CACNA2D3: variants seen among roughly 807,000 people sequenced by gnomAD.
The protein encoded by CACNA2D3 is voltage-dependent calcium channel subunit alpha-2/delta-3.
Under a neutral mutation model 160.6 loss-of-function variants are expected in CACNA2D3, and 60 were observed. The ratio of observed to expected loss-of-function variants is 0.37; its 90% CI spans 0.30 to 0.46. The LOEUF is 0.46. Among genes scored for constraint, CACNA2D3 ranks in the 20% least tolerant of loss-of-function variants. The probability of loss-of-function intolerance (pLI) is 1.00; values close to 1 mark genes in which losing one functional copy is unlikely to be tolerated. For synonymous variants in CACNA2D3, 558 were observed against 492.9 expected (o/e 1.13, Z -1.75); for missense variants, 1,205 against 1,365.0 (o/e 0.88, Z 1.85).
At chr3:54,897,527 A>G (rs1429328646) in intron 26 of CACNA2D3, among the ~76,000 whole-genome samples, 1 of 151,864 alleles carries the variant, frequency 6.6e-6, no homozygotes, top group African/African-American at 2.4e-5. Context: ...TGCCTCATGC[A>G]TCTGGTATTT....
chr3:54,764,087 G>A, intron 12 of CACNA2D3, 131 bp from the exon 13 acceptor site: 1 of 924,726 alleles, frequency 1.1e-6, no homozygotes, highest in Middle Eastern at 2.6e-4. Context: ...AAAAATGGGG[G>A]AGAGGAGCTA....
At chr3:54,756,924 G>A (rs1701982218) in intron 12 of CACNA2D3, among the ~76,000 whole-genome samples, 1 of 152,082 alleles carries the variant, frequency 6.6e-6, no homozygotes, top group African/African-American at 2.4e-5. Context: ...GCATAAGTAG[G>A]TCCTGTCTTG....
intron 15 of CACNA2D3, among the ~76,000 whole-genome samples, chr3:54,837,801 G>C (rs1482827500): frequency 6.6e-6 from 1 of 152,046 alleles, no homozygotes; most frequent in African/African-American, 2.4e-5. Context: ...ATGTCTCTCT[G>C]TGTCCTTCCC....
chr3:54,963,155 A>G (rs1354699312), intron 27 of CACNA2D3, among the ~76,000 whole-genome samples: 4 of 152,282 alleles, frequency 2.6e-5, no homozygotes, highest in Middle Eastern at 6.8e-3. Flanking sequence ...TGATTTCTTT[A>G]GGGTTCATTC....
intron 11 of CACNA2D3, among the ~76,000 whole-genome samples, chr3:54,730,069 T>G: frequency 6.6e-6 from 1 of 152,104 alleles, no homozygotes; most frequent in South Asian, 2.1e-4. Flanking sequence ...TTATTATTCT[T>G]TTACCAAATA....
intron 29 of CACNA2D3, among the ~76,000 whole-genome samples, chr3:54,980,656 A>G (rs534018682): frequency 2.0e-5 from 3 of 152,354 alleles, no homozygotes; most frequent in East Asian, 3.9e-4. Context: ...CTAGGACACC[A>G]TAAGGTCTGA....
intron 29 of CACNA2D3, among the ~76,000 whole-genome samples, chr3:54,981,760 G>T (rs2107097028): frequency 6.6e-6 from 1 of 152,298 alleles, no homozygotes; most frequent in East Asian, 1.9e-4. Flanking sequence ...ACAGACATTA[G>T]CCCCTTTGCT....
chr3:54,878,943 C>T (rs1370329822), intron 18 of CACNA2D3, 75 bp from the exon 19 acceptor site: 10 of 889,434 alleles, frequency 1.1e-5, no homozygotes, highest in African/African-American at 3.4e-5. Flanking sequence ...CTCCACTGCA[C>T]GCTGAGGATG....
chr3:54,844,640 A>T (rs1698896061), intron 16 of CACNA2D3, among the ~76,000 whole-genome samples: 1 of 152,088 alleles, frequency 6.6e-6, no homozygotes, highest in African/African-American at 2.4e-5. Context: ...CATGAAACTT[A>T]CATTCTGGTA....
At chr3:54,192,673 T>TAG (rs1701005125) in intron 2 of CACNA2D3, among the ~76,000 whole-genome samples, 1 of 147,282 alleles carries the variant, frequency 6.8e-6, no homozygotes, top group South Asian at 2.1e-4. Context: ...ATATGTGAGG[T>TAG]GTGTGTGTGT....
intron 2 of CACNA2D3, among the ~76,000 whole-genome samples, chr3:54,254,704 G>GTTGTTGTAACTA (rs147874903): frequency 6.6e-6 from 1 of 152,026 alleles, no homozygotes; most frequent in African/African-American, 2.4e-5. Context: ...GAGTATTACT[G>GTTGTTGTAACTA]TTGTTACCAA....
intron 2 of CACNA2D3, among the ~76,000 whole-genome samples, chr3:54,141,932 G>A (rs1452249001): frequency 2.0e-5 from 3 of 152,180 alleles, no homozygotes; most frequent in Non-Finnish European, 2.9e-5. Context: ...TTGCACCCTC[G>A]TGGAGATTAC....
At chr3:54,161,075 T>A (rs1457222980) in intron 2 of CACNA2D3, among the ~76,000 whole-genome samples, 1 of 152,126 alleles carries the variant, frequency 6.6e-6, no homozygotes, top group Non-Finnish European at 1.5e-5. Context: ...CTGGCAGTTG[T>A]TTAGTAAGGG....
chr3:54,841,847 C>T (rs1307849960), intron 16 of CACNA2D3, among the ~76,000 whole-genome samples: 1 of 152,206 alleles, frequency 6.6e-6, no homozygotes, highest in Non-Finnish European at 1.5e-5. Context: ...TGCCTCCTTT[C>T]CCCAGGCTGT....
rs567881610 is a variant in CACNA2D3 at position 54,489,023 on chromosome 3, A to C, written c.382-14469A>C. 2.0e-5 allele frequency among the ~76,000 whole-genome samples: 3 copies of C among 152,288 alleles called. No individual in the cohort carries two copies. The East Asian group carries it at 5.8e-4, about 29-fold the overall frequency. ...ACCAGCATGGACAGAGACCACATGC[A>C]TAGAGAATCATGGAGCAATGGAGCT... On this transcript the variant is annotated intron_variant, in intron 4 of 37. Transcript: ENST00000474759.
At chr3:54,976,949 A>G (rs1214795404) in intron 29 of CACNA2D3, among the ~76,000 whole-genome samples, 2 of 152,238 alleles carry the variant, frequency 1.3e-5, no homozygotes, top group Non-Finnish European at 2.9e-5. Context: ...CCAAATGTTT[A>G]CAGCAAATAA....
chr3:54,334,675 C>G (rs749010342), intron 3 of CACNA2D3, among the ~76,000 whole-genome samples: 2 of 152,214 alleles, frequency 1.3e-5, no homozygotes, highest in Non-Finnish European at 2.9e-5. Flanking sequence ...CACACGCTCC[C>G]TCCTTGAGAT....
chr3:54,609,933 G>T (rs1211663166), intron 9 of CACNA2D3, among the ~76,000 whole-genome samples: 1 of 152,168 alleles, frequency 6.6e-6, no homozygotes, highest in African/African-American at 2.4e-5. Context: ...CAGTTCTGGA[G>T]GCTAGAAGTT....
intron 27 of CACNA2D3, chr3:54,928,000 G>T: frequency 2.4e-6 from 3 of 1,226,384 alleles, no homozygotes; most frequent in Non-Finnish European, 3.6e-6. Context: ...CAGACTCAGA[G>T]CCCAGCTTTA....
Sources: gnomAD v4.1 joint callset for allele counts (sites outside exome capture counted in the v4.1 genomes callset) on GRCh38, gnomAD v4.1.1 for gene constraint, MANE v1.5 for transcripts, NCBI Gene and HGNC (gene_info 2026-07-23, HGNC 2026-07-21) for gene names.